The following GARIN1B variants were observed in gnomAD, a reference collection of about 807,000 sequenced individuals.
GARIN1B encodes golgi associated RAB2 interactor 1B, also known as Golgi-associated RAB2 interactor protein 1B.
the GARIN1B span, chr7:128,724,890 A>G: frequency 1.6e-6 from 2 of 1,285,092 alleles, no homozygotes. Flanking sequence ...AAGAGCTCGC[A>G]AAGACATGGG....
chr7:128,726,929 T>TA, the GARIN1B span: 1 of 1,478,594 alleles, frequency 6.8e-7, no homozygotes, highest in Non-Finnish European at 9.4e-7. Context: ...GATATAAGAA[T>TA]AAGATCCCCT....
At chr7:128,723,621 C>T in the GARIN1B span, among the ~76,000 whole-genome samples, 197 of 151,762 alleles carry the variant, frequency 1.3e-3, no homozygotes, top group African/African-American at 4.3e-3. Context: ...GCGATTCTCC[C>T]GCCTCAGCCT....
the GARIN1B span, chr7:128,729,802 G>T: frequency 7.8e-7 from 1 of 1,279,096 alleles, no homozygotes; most frequent in South Asian, 1.3e-5. Context: ...GTTTGGAATG[G>T]TGCCTGGCAC....
At chr7:128,722,213 A>C in the GARIN1B span, among the ~76,000 whole-genome samples, 6 of 152,238 alleles carry the variant, frequency 3.9e-5, no homozygotes, top group African/African-American at 1.4e-4. Context: ...GATAGAATTT[A>C]CCAGTGAAGA....
chr7:128,715,301 C>T, the GARIN1B span: 2 of 1,469,248 alleles, frequency 1.4e-6, no homozygotes, highest in South Asian at 2.9e-5. Flanking sequence ...TCCTGCAGGT[C>T]TGTCCTGGTT....
At chr7:128,723,630 C>T in the GARIN1B span, among the ~76,000 whole-genome samples, 1 of 151,890 alleles carries the variant, frequency 6.6e-6, no homozygotes, top group African/African-American at 2.4e-5. Context: ...CCGCCTCAGC[C>T]TCCTGAGTAG....
At chr7:128,720,478 G>T in the GARIN1B span, among the ~76,000 whole-genome samples, 1 of 152,142 alleles carries the variant, frequency 6.6e-6, no homozygotes, top group East Asian at 1.9e-4. Flanking sequence ...GGGATTACAG[G>T]CATGAAACTT....
chr7:128,721,194 C>T, the GARIN1B span, among the ~76,000 whole-genome samples: 3 of 152,192 alleles, frequency 2.0e-5, no homozygotes, highest in African/African-American at 7.2e-5. Context: ...TGCTCTGTTG[C>T]CCAGGTTGGT....
the GARIN1B span, among the ~76,000 whole-genome samples, chr7:128,725,801 T>C: frequency 8.0e-5 from 12 of 150,838 alleles, no homozygotes; most frequent in Non-Finnish European, 1.6e-4. Flanking sequence ...TGCATAGACA[T>C]GTACACAACA....
the GARIN1B span, chr7:128,716,783 C>T: frequency 5.7e-6 from 9 of 1,571,008 alleles, no homozygotes; most frequent in Non-Finnish European, 7.8e-6. Context: ...TTGCCAAATG[C>T]TCAGGTTGTG....
the GARIN1B span, among the ~76,000 whole-genome samples, chr7:128,717,313 C>A: frequency 1.3e-5 from 2 of 152,132 alleles, no homozygotes; most frequent in Non-Finnish European, 2.9e-5. Context: ...GTGAGTCTGG[C>A]AGATGGAGCA....
the GARIN1B span, among the ~76,000 whole-genome samples, chr7:128,718,093 A>G: frequency 6.6e-6 from 1 of 152,158 alleles, no homozygotes; most frequent in African/African-American, 2.4e-5. Context: ...TAAACTCAAT[A>G]AATGCACAAG....
At chr7:128,712,687 T>C in the GARIN1B span, among the ~76,000 whole-genome samples, 1 of 152,232 alleles carries the variant, frequency 6.6e-6, no homozygotes, top group African/African-American at 2.4e-5. Context: ...AAAGTTTTCA[T>C]CACTAAAAGT....
At chr7:128,715,769 C>A in the GARIN1B span, 1 of 1,269,192 alleles carries the variant, frequency 7.9e-7, no homozygotes, top group Non-Finnish European at 1.1e-6. Flanking sequence ...GAGTCCATCC[C>A]TGAAACTGGG....
the GARIN1B span, chr7:128,715,618 C>T: frequency 6.2e-7 from 1 of 1,614,142 alleles, no homozygotes; most frequent in East Asian, 2.2e-5. Flanking sequence ...AGGGACTGCT[C>T]TGCCGGGTGG....
At chr7:128,729,764 G>A in the GARIN1B span, 2 of 872,526 alleles carry the variant, frequency 2.3e-6, no homozygotes, top group Middle Eastern at 2.3e-4. Context: ...CAGAGGTGAG[G>A]ATTAAAGGAC....
the GARIN1B span, among the ~76,000 whole-genome samples, chr7:128,719,332 ATTGTG>A: frequency 2.6e-5 from 4 of 151,978 alleles, no homozygotes; most frequent in Non-Finnish European, 5.9e-5. Context: ...AAAATCCACC[ATTGTG>A]GATTTTATGG....
At chr7:128,730,729 C>T in the GARIN1B span, among the ~76,000 whole-genome samples, 14 of 152,136 alleles carry the variant, frequency 9.2e-5, no homozygotes, top group African/African-American at 3.4e-4. Flanking sequence ...TCACTGCAAC[C>T]TCCGCCTCCC....
the GARIN1B span, chr7:128,725,032 C>A: frequency 2.7e-6 from 1 of 365,058 alleles, no homozygotes; most frequent in Non-Finnish European, 4.4e-6. Context: ...TCATATGCAC[C>A]AAGCACTTAG....
Sources: allele counts gnomAD v4.1 joint callset (sites outside exome capture counted in the v4.1 genomes callset), GRCh38; gene constraint gnomAD v4.1.1; transcripts MANE v1.5; gene names NCBI Gene and HGNC (gene_info 2026-07-23, HGNC 2026-07-21).